ANKRD36: variants seen among roughly 807,000 people sequenced by gnomAD.
The protein encoded by ANKRD36 is ankyrin repeat domain-containing protein 36A.
Under a neutral mutation model 278.1 loss-of-function variants are expected in ANKRD36, and 179 were observed. The ratio of observed to expected loss-of-function variants is 0.64; its 90% CI spans 0.57 to 0.73. The LOEUF (loss-of-function observed/expected upper bound fraction) is 0.73. Ranked by LOEUF, ANKRD36 falls within the 30% of genes least tolerant of loss-of-function variation. ANKRD36 has a pLI of 0.00. For synonymous variants in ANKRD36, 320 were observed against 641.1 expected (o/e 0.50, Z 7.57); for missense variants, 1,159 against 1,956.7 (o/e 0.59, Z 7.69).
rs775041808 is a variant in ANKRD36 at position 97,198,461 on chromosome 2, A to C, written c.2654-2A>C. 6.3e-7 allele frequency: 1 copy of C among 1,578,964 alleles called. No homozygotes were observed. Among genetic ancestry groups the C allele is most frequent in the Admixed American group, 1.8e-5 (1 of 54,454 alleles). ...TGATTATGAATCCCTTTTACTTTTC[A>C]GTGTCTTCTGAGAAACCACCAGGCT... On this transcript the variant is annotated splice_acceptor_variant, in intron 42 of 75. Coordinates refer to ENST00000420699, the MANE Select transcript of ANKRD36 (RefSeq NM_001354587.1). LOFTEE classifies it high-confidence loss of function.
chr2:97,159,935 T>C (rs2048441942), intron 17 of ANKRD36, among the ~76,000 whole-genome samples: 1 of 152,118 alleles, frequency 6.6e-6, no homozygotes, highest in East Asian at 1.9e-4. Context: ...GCGCCCGCCA[T>C]CACGCCCGGC....
intron 6 of ANKRD36, among the ~76,000 whole-genome samples, chr2:97,141,148 A>G (rs1261151101): frequency 6.6e-6 from 1 of 151,608 alleles, no homozygotes; most frequent in African/African-American, 2.4e-5. Context: ...ATTATATCAA[A>G]CTAGCTTTAG....
intron 54 of ANKRD36, among the ~76,000 whole-genome samples, chr2:97,208,239 G>GAGC (rs1170450427): frequency 6.8e-6 from 1 of 146,744 alleles, no homozygotes; most frequent in East Asian, 1.9e-4. Context: ...GAATTATGGA[G>GAGC]AGCAGTTCAA....
intron 66 of ANKRD36, 124 bp downstream of exon 66, chr2:97,219,370 A>G (rs2066779252): frequency 1.6e-6 from 2 of 1,271,756 alleles, no homozygotes; most frequent in Non-Finnish European, 2.1e-6. Flanking sequence ...CATCTAAATA[A>G]TGCAGCTGTT....
intron 6 of ANKRD36, among the ~76,000 whole-genome samples, chr2:97,133,938 A>G (rs1431945184): frequency 6.6e-6 from 1 of 152,072 alleles, no homozygotes; most frequent in Non-Finnish European, 1.5e-5. Flanking sequence ...TAATCACCCA[A>G]AGTCCATAGT....
intron 68 of ANKRD36, among the ~76,000 whole-genome samples, chr2:97,240,997 T>G (rs2074269519): frequency 2.8e-5 from 4 of 144,174 alleles, no homozygotes; most frequent in Admixed American, 6.9e-5. Context: ...TTTTTTTTTT[T>G]TTTTTTTTTT....
In ANKRD36 at chr2:97,207,989, G is replaced by T; in HGVS notation, c.3248G>T (p.Gly1083Val). The part of the protein sequence containing the change: ...VLNIARGKKY[G>V]EKTKRVSSRK... ...AATATAGCCAGAGGAAAAAAGTATG[G>T]AGAAAAAACTAAGAGAGGTAATTTT... The change falls in exon 54 of 76, where the codon GGA (glycine) becomes GTA (valine). Residue 1083 changes from glycine to valine, a missense_variant. Gly to Val is a moderately radical substitution (Grantham distance 109, BLOSUM62 -3). Coordinates refer to ENST00000420699, the MANE Select transcript of ANKRD36 (RefSeq NM_001354587.1). 6.6e-7 allele frequency: 1 copy of T among 1,522,050 alleles called. No individual in the cohort carries two copies. The highest frequency in any genetic ancestry group is 1.2e-5 in the South Asian group (1 of 83,134). 94.3% of individuals were successfully genotyped at this position (1,522,050 alleles called of 1,614,324 possible). A position where few individuals can be genotyped will look rare whatever the true frequency, so the allele number is the denominator to read the frequency against.
intron 32 of ANKRD36, among the ~76,000 whole-genome samples, chr2:97,188,582 C>G (rs1487394538): frequency 1.0e-5 from 1 of 99,102 alleles, no homozygotes; most frequent in African/African-American, 2.5e-5. Context: ...GACACTTCCA[C>G]TGAAGAGATG....
intron 68 of ANKRD36, among the ~76,000 whole-genome samples, chr2:97,235,140 G>A (rs1460413387): frequency 6.6e-6 from 1 of 151,352 alleles, no homozygotes; most frequent in Non-Finnish European, 1.5e-5. Flanking sequence ...TTATAGATTT[G>A]GATCTTCCAT....
intron 1 of ANKRD36, among the ~76,000 whole-genome samples, chr2:97,117,373 T>C (rs1429812593): frequency 6.6e-6 from 1 of 152,104 alleles, no homozygotes; most frequent in Non-Finnish European, 1.5e-5. Context: ...CTGTTCTATG[T>C]ACTGTATCCC....
In ANKRD36 at chr2:97,221,883, G is replaced by A. The variant is rs1225519830; in HGVS notation, c.3877+2637G>A. On this transcript the variant is annotated intron_variant, in intron 66 of 75. Transcript: ENST00000420699. ...CTATGTCCTGAATGGTAATGCCTAG[G>A]TTTTCTTCTAGGGTTTTTATGGTTT... is the stretch of plus-strand genomic sequence containing the variant. Among the ~76,000 whole-genome samples the A allele has an allele frequency of 3.2e-3, 480 of 148,170 alleles. 20 individuals carry two copies. In the East Asian group the frequency reaches 0.054, roughly 17 times the overall value.
intron 11 of ANKRD36, among the ~76,000 whole-genome samples, 187 bp downstream of exon 11, chr2:97,146,703 G>A (rs2044355321): frequency 6.6e-6 from 1 of 151,612 alleles, no homozygotes; most frequent in African/African-American, 2.4e-5. Context: ...TACTAATTAG[G>A]CAACTCTGCT....
chr2:97,242,313 A>T (rs2074587742), intron 69 of ANKRD36, among the ~76,000 whole-genome samples: 1 of 151,798 alleles, frequency 6.6e-6, no homozygotes. Flanking sequence ...AAATGTATCC[A>T]GTTTTATTCT....
intron 14 of ANKRD36, among the ~76,000 whole-genome samples, chr2:97,154,165 A>G (rs2046856679): frequency 6.8e-6 from 1 of 146,112 alleles, no homozygotes; most frequent in South Asian, 2.1e-4. Flanking sequence ...CTCTTTAAGT[A>G]GCTTACATGC....
At chr2:97,211,642 G>T in intron 57 of ANKRD36, 27 bp from the exon 58 acceptor site, 1 of 1,591,986 alleles carries the variant, frequency 6.3e-7, no homozygotes, top group Non-Finnish European at 8.5e-7. Flanking sequence ...TTTATTTATT[G>T]ACTGTTTTGT....
chr2:97,200,631 C>A, intron 46 of ANKRD36, 106 bp downstream of exon 46: 1 of 1,489,968 alleles, frequency 6.7e-7, no homozygotes, highest in Middle Eastern at 2.4e-4. Flanking sequence ...TCTGATTCAC[C>A]AAGCTTGAGA....
chr2:97,127,596 A>G (rs1246851964), intron 6 of ANKRD36, among the ~76,000 whole-genome samples: 1 of 151,904 alleles, frequency 6.6e-6, no homozygotes, highest in Non-Finnish European at 1.5e-5. Context: ...CGTATTTGGT[A>G]TGTTGTATAT....
intron 62 of ANKRD36, 121 bp downstream of exon 62, chr2:97,215,618 C>A: frequency 6.4e-7 from 1 of 1,554,024 alleles, no homozygotes; most frequent in Non-Finnish European, 8.7e-7. Flanking sequence ...GCCTGAGATT[C>A]TTCATTTGTA....
intron 52 of ANKRD36, 78 bp downstream of exon 52, chr2:97,206,213 G>A: frequency 2.2e-6 from 3 of 1,390,340 alleles, no homozygotes; most frequent in South Asian, 1.4e-5. Context: ...AATCAGCGGG[G>A]GGCTCATCGA....
Sources: allele counts gnomAD v4.1 joint callset (sites outside exome capture counted in the v4.1 genomes callset), GRCh38; gene constraint gnomAD v4.1.1; transcripts MANE v1.5; gene names NCBI Gene and HGNC (gene_info 2026-07-23, HGNC 2026-07-21).